Variants in ANKS1B observed in about 807,000 individuals in gnomAD.
ANKS1B encodes the protein ankyrin repeat and sterile alpha motif domain-containing protein 1B.
A neutral mutation model predicts 148.3 loss-of-function variants in ANKS1B; 36 were observed. The ratio of observed to expected loss-of-function variants is 0.24; its 90% CI spans 0.19 to 0.32. The LOEUF is 0.32. ANKS1B is among the 10% of genes least tolerant of loss of function. The pLI, the probability that ANKS1B is intolerant of heterozygous loss-of-function variation, is 1.00. For missense variants in ANKS1B, 1,157 were observed against 1,542.6 expected (o/e 0.75, Z 4.19); for synonymous variants, 542 against 560.8 (o/e 0.97, Z 0.47).
intron 17 of ANKS1B, among the ~76,000 whole-genome samples, chr12:98,857,711 G>A (rs2099579210): frequency 6.6e-6 from 1 of 152,080 alleles, no homozygotes; most frequent in East Asian, 1.9e-4. Context: ...GCATTAAAAT[G>A]AATATTTCAA....
intron 17 of ANKS1B, among the ~76,000 whole-genome samples, chr12:98,946,076 G>A (rs1486353552): frequency 3.3e-5 from 5 of 152,146 alleles, no homozygotes; most frequent in Non-Finnish European, 2.9e-5. Flanking sequence ...TCCCAGTGAG[G>A]CAACTTGTTG....
At chr12:99,067,121 A>G (rs1249485822) in intron 16 of ANKS1B, among the ~76,000 whole-genome samples, 3 of 152,212 alleles carry the variant, frequency 2.0e-5, no homozygotes, top group African/African-American at 7.2e-5. Context: ...GGTTTCAATT[A>G]AATAGCTGTA....
intron 9 of ANKS1B, among the ~76,000 whole-genome samples, chr12:99,613,077 T>C (rs1385201079): frequency 1.3e-5 from 2 of 152,130 alleles, no homozygotes; most frequent in Non-Finnish European, 1.5e-5. Context: ...CTTTGTAGCA[T>C]TACCACCAAT....
chr12:98,770,592 A>G (rs1386180259), intron 25 of ANKS1B, among the ~76,000 whole-genome samples: 1 of 151,300 alleles, frequency 6.6e-6, no homozygotes, highest in African/African-American at 2.4e-5. Flanking sequence ...CACTCTCCTC[A>G]AGCCTCCCCA....
intron 1 of ANKS1B, among the ~76,000 whole-genome samples, chr12:99,914,436 G>A (rs1227619665): frequency 6.6e-6 from 1 of 152,152 alleles, no homozygotes; most frequent in Non-Finnish European, 1.5e-5. Context: ...CAAAGATTTT[G>A]GAGTATGTGT....
At chr12:99,212,876 T>A (rs2083539907) in intron 14 of ANKS1B, among the ~76,000 whole-genome samples, 1 of 152,200 alleles carries the variant, frequency 6.6e-6, no homozygotes, top group African/African-American at 2.4e-5. Context: ...CACATTCATA[T>A]CCCTAGTTCT....
At chr12:98,742,563 C>T (rs753940969), downstream of ANKS1B, among the ~76,000 whole-genome samples, 2 of 152,226 alleles carry the variant, frequency 1.3e-5, no homozygotes, top group East Asian at 1.9e-4. Context: ...CCGACTTGAG[C>T]GGAAGACAGA....
chr12:98,785,756 C>T (rs2032766), intron 22 of ANKS1B, among the ~76,000 whole-genome samples: 125,524 of 152,140 alleles, frequency 0.83, 52,091 homozygotes, highest in East Asian at 1. Context: ...TCAGGCAACA[C>T]TGGTTTCTAT....
intron 11 of ANKS1B, among the ~76,000 whole-genome samples, chr12:99,429,217 C>T (rs1184186398): frequency 6.6e-6 from 1 of 152,148 alleles, no homozygotes; most frequent in Admixed American, 6.5e-5. Context: ...AAGAAACCAC[C>T]TTAATCAAGT....
intron 12 of ANKS1B, among the ~76,000 whole-genome samples, chr12:99,355,351 A>G (rs2091872341): frequency 6.6e-6 from 1 of 152,150 alleles, no homozygotes; most frequent in African/African-American, 2.4e-5. Context: ...CAATTACTTC[A>G]GATCTGCAAT....
intron 10 of ANKS1B, among the ~76,000 whole-genome samples, chr12:99,502,351 G>A (rs574868846): frequency 9.9e-5 from 15 of 152,124 alleles, no homozygotes; most frequent in South Asian, 2.1e-4. Context: ...CTCCATGACC[G>A]CTGTGGGTCA....
chr12:99,743,793 G>A (rs1299389617), intron 8 of ANKS1B, among the ~76,000 whole-genome samples: 1 of 152,100 alleles, frequency 6.6e-6, no homozygotes, highest in Non-Finnish European at 1.5e-5. Flanking sequence ...CTTAGAAAAT[G>A]GAGTAGTGTT....
chr12:98,884,683 C>T lies in ANKS1B; in HGVS notation c.2779-52547G>A, dbSNP rs142256117. 4.7e-3 allele frequency among the ~76,000 whole-genome samples: 711 copies of T among 151,638 alleles called. 7 individuals carry two copies. Among genetic ancestry groups the T allele is most frequent in the African/African-American group, 0.015 (626 of 41,308 alleles). ...GCGCGGTGGCGGGCGCCTGTAGTCCCAGCTACTCGGGAGGCTGAGGCAGGA... is the reference window on the plus strand; with the variant it reads ...GCGCGGTGGCGGGCGCCTGTAGTCCTAGCTACTCGGGAGGCTGAGGCAGGA... On this transcript the variant is annotated intron_variant, in intron 17 of 26. Transcript: ENST00000683438.
At chr12:99,973,434 T>C (rs969499784) in intron 1 of ANKS1B, among the ~76,000 whole-genome samples, 2 of 152,056 alleles carry the variant, frequency 1.3e-5, no homozygotes, top group African/African-American at 4.8e-5. Flanking sequence ...TTAAAAATTA[T>C]CCAGGCTTGG....
At chr12:99,078,300 A>G (rs180734870) in intron 16 of ANKS1B, among the ~76,000 whole-genome samples, 1 of 152,322 alleles carries the variant, frequency 6.6e-6, no homozygotes, top group African/African-American at 2.4e-5. Flanking sequence ...TCACTGACCT[A>G]ATATATATGG....
chr12:99,606,785 G>C (rs1247117101), intron 9 of ANKS1B, among the ~76,000 whole-genome samples: 1 of 151,986 alleles, frequency 6.6e-6, no homozygotes, highest in Non-Finnish European at 1.5e-5. Flanking sequence ...TAACAGTTAT[G>C]TTTAAATTGA....
At chr12:99,659,292 C>T (rs1486049372) in intron 8 of ANKS1B, among the ~76,000 whole-genome samples, 1 of 152,114 alleles carries the variant, frequency 6.6e-6, no homozygotes, top group East Asian at 1.9e-4. Flanking sequence ...AAGAAGCCAG[C>T]GGAACACACT....
In ANKS1B at chr12:99,455,990, T is replaced by G. The variant is rs529152108; in HGVS notation, c.1439-12181A>C. ...ACAAAACCAGCGCACTTAACAAAAA[T>G]ACAACCAAGGACCCTCAGAGAGTCC... On this transcript the variant is annotated intron_variant, in intron 10 of 26. Coordinates refer to ENST00000683438, the MANE Select transcript of ANKS1B (RefSeq NM_001352186.2). 2.6e-5 allele frequency among the ~76,000 whole-genome samples: 4 copies of G among 152,092 alleles called. No individual in the cohort carries two copies. In the East Asian group the frequency reaches 7.7e-4, roughly 29 times the overall value.
intron 1 of ANKS1B, among the ~76,000 whole-genome samples, chr12:99,890,768 G>C (rs893683891): frequency 1.3e-5 from 2 of 152,094 alleles, no homozygotes; most frequent in East Asian, 3.9e-4. Context: ...AGTTGAATAA[G>C]CAAGCTATAA....
Sources: allele counts gnomAD v4.1 joint callset (sites outside exome capture counted in the v4.1 genomes callset), GRCh38; gene constraint gnomAD v4.1.1; transcripts MANE v1.5; gene names NCBI Gene and HGNC (gene_info 2026-07-23, HGNC 2026-07-21).